The following SORCS3 variants were observed in gnomAD, a reference collection of about 807,000 sequenced individuals.
SORCS3 encodes VPS10 domain-containing receptor SorCS3.
In SORCS3, 57 loss-of-function variants were observed where a neutral mutation model predicts 146.3. The ratio of observed to expected loss-of-function variants is 0.39; its 90% confidence interval spans 0.31 to 0.49. The LOEUF is 0.49. Among genes scored for constraint, SORCS3 ranks in the 20% least tolerant of loss-of-function variants. SORCS3 has a pLI of 0.92. For missense variants in SORCS3, 1,341 were observed against 1,575.5 expected, an observed-to-expected ratio of 0.85 and a Z score of 2.52; for synonymous variants, 653 against 618.5, an observed-to-expected ratio of 1.06 and a Z score of -0.83.
At chr10:104,825,439 C>G (rs1589513768) in intron 1 of SORCS3, among the ~76,000 whole-genome samples, 1 of 152,314 alleles carries the variant, frequency 6.6e-6, no homozygotes. Flanking sequence ...CTCAAAGAAA[C>G]AGATCACTTA....
intron 22 of SORCS3, 73 bp from the exon 23 acceptor site, chr10:105,252,702 C>T: frequency 6.3e-7 from 1 of 1,593,090 alleles, no homozygotes. Flanking sequence ...TGGCTGTGCA[C>T]ACTCTGCTCT....
chr10:104,712,573 T>C (rs1240265902), intron 1 of SORCS3, among the ~76,000 whole-genome samples: 1 of 152,110 alleles, frequency 6.6e-6, no homozygotes, highest in Non-Finnish European at 1.5e-5. Flanking sequence ...TTGTCATAGG[T>C]GAGCTAGTTA....
At chr10:104,915,358 C>T (rs1392522978) in intron 2 of SORCS3, among the ~76,000 whole-genome samples, 1 of 152,144 alleles carries the variant, frequency 6.6e-6, no homozygotes, top group Non-Finnish European at 1.5e-5. Flanking sequence ...CCAAGGGTCC[C>T]TTGCTTCAGG....
chr10:104,660,935 T>C (rs1564653411), intron 1 of SORCS3, among the ~76,000 whole-genome samples: 2 of 152,238 alleles, frequency 1.3e-5, no homozygotes, highest in Admixed American at 1.3e-4. Context: ...TGATGGATTT[T>C]TCTTGGTTTA....
intron 14 of SORCS3, among the ~76,000 whole-genome samples, chr10:105,182,228 A>ATATTTTTTTT: frequency 1.4e-5 from 1 of 69,368 alleles, no homozygotes; most frequent in African/African-American, 5.1e-5. Flanking sequence ...ACTATTCAGC[A>ATATTTTTTTT]TCTTTTTTTT....
At chr10:104,744,111 C>T (rs983298753) in intron 1 of SORCS3, among the ~76,000 whole-genome samples, 36 of 152,146 alleles carry the variant, frequency 2.4e-4, no homozygotes, top group Admixed American at 2.0e-4. Flanking sequence ...TGGGCTTGCC[C>T]ATGGTGGCTG....
intron 1 of SORCS3, among the ~76,000 whole-genome samples, chr10:104,702,065 G>A (rs528896252): frequency 1.3e-5 from 2 of 152,242 alleles, no homozygotes; most frequent in South Asian, 4.2e-4. Context: ...GTGGGCCTGT[G>A]TTCCAATAAA....
chr10:104,940,173 T>C (rs73342176), intron 3 of SORCS3, among the ~76,000 whole-genome samples: 16,379 of 139,290 alleles, frequency 0.12, 1,568 homozygotes, highest in African/African-American at 0.26. Flanking sequence ...GCAGGAAATT[T>C]CCAGAACCGA....
rs990236995 is a variant in SORCS3, at chr10:104,888,536, C to T, written c.696-27297C>T. On this transcript the variant is annotated intron_variant, in intron 2 of 26. Coordinates refer to ENST00000369701, the MANE Select transcript of SORCS3 (RefSeq NM_014978.3). ...ATTCTTATTTCACTACTTTTAACTA[C>T]CTCTCCAGTACTCACCTTTTTTTTC... Among the ~76,000 whole-genome samples, 4 of 141,126 alleles carry T rather than the reference C, an allele frequency of 2.8e-5. No individual in the cohort carries two copies. In the East Asian group the frequency reaches 7.8e-4, roughly 28 times the overall value. 92.6% of individuals were successfully genotyped at this position (141,126 alleles called of 152,430 possible).
chr10:104,947,530 T>A (rs561396073), intron 3 of SORCS3, among the ~76,000 whole-genome samples: 75 of 152,218 alleles, frequency 4.9e-4, no homozygotes, highest in African/African-American at 1.7e-3. Flanking sequence ...GGTGCTGCAG[T>A]GATACATCAT....
intron 14 of SORCS3, among the ~76,000 whole-genome samples, chr10:105,181,681 G>T (rs1392293297): frequency 6.6e-6 from 1 of 152,068 alleles, no homozygotes; most frequent in African/African-American, 2.4e-5. Flanking sequence ...ACATCCCCCT[G>T]GTAACTGTAA....
chr10:105,124,490 T>TTC (rs2055958416), intron 7 of SORCS3, among the ~76,000 whole-genome samples: 1 of 152,130 alleles, frequency 6.6e-6, no homozygotes, highest in Non-Finnish European at 1.5e-5. Context: ...CTGACTCCCT[T>TTC]TCTCTCTTTT....
chr10:104,726,112 T>C (rs2016628869), intron 1 of SORCS3, among the ~76,000 whole-genome samples: 1 of 152,194 alleles, frequency 6.6e-6, no homozygotes, highest in African/African-American at 2.4e-5. Flanking sequence ...TCGGCCATCT[T>C]TGATCCACCC....
At chr10:104,786,622 A>C (rs1161523838) in intron 1 of SORCS3, among the ~76,000 whole-genome samples, 2 of 151,720 alleles carry the variant, frequency 1.3e-5, no homozygotes, top group Non-Finnish European at 2.9e-5. Flanking sequence ...AGAAAAAAAA[A>C]AGAAAATTAA....
At chr10:104,872,666 T>C (rs1161297913) in intron 2 of SORCS3, among the ~76,000 whole-genome samples, 1 of 149,040 alleles carries the variant, frequency 6.7e-6, no homozygotes, top group Non-Finnish European at 1.5e-5. Flanking sequence ...CAAAGGCGAG[T>C]GAAGGAGAAA....
chr10:104,902,944 A>G (rs560791742), intron 2 of SORCS3, among the ~76,000 whole-genome samples: 68 of 152,318 alleles, frequency 4.5e-4, no homozygotes, highest in Admixed American at 3.1e-3. Flanking sequence ...TAGCTTTCCA[A>G]TAGGAAATGA....
chr10:104,644,684 G>C (rs1049268355), intron 1 of SORCS3, among the ~76,000 whole-genome samples: 1 of 152,186 alleles, frequency 6.6e-6, no homozygotes, highest in African/African-American at 2.4e-5. Flanking sequence ...CGTGGAAAGA[G>C]AATTTTATCT....
intron 19 of SORCS3, among the ~76,000 whole-genome samples, chr10:105,222,673 C>A (rs762875308): frequency 6.6e-6 from 1 of 152,110 alleles, no homozygotes; most frequent in Non-Finnish European, 1.5e-5. Context: ...GGCACAATGG[C>A]CAATTGTTGA....
chr10:104,947,484 G>A (rs1008886292), intron 3 of SORCS3, among the ~76,000 whole-genome samples: 5 of 152,182 alleles, frequency 3.3e-5, no homozygotes, highest in Non-Finnish European at 5.9e-5. Flanking sequence ...CTCTGAACAC[G>A]GAGGCGGGGT....
Sources: gnomAD v4.1 joint callset for allele counts (sites outside exome capture counted in the v4.1 genomes callset) on GRCh38, gnomAD v4.1.1 for gene constraint, MANE v1.5 for transcripts, NCBI Gene and HGNC (gene_info 2026-07-23, HGNC 2026-07-21) for gene names.